The following ERO1B variants were observed in gnomAD, a reference collection of about 807,000 sequenced individuals.
The protein encoded by ERO1B is ERO1-like protein beta.
ERO1B carries 49 observed loss-of-function variants against 75.3 expected under a neutral mutation model. The observed-to-expected ratio is 0.65, with a 90% CI of 0.52 to 0.83. The LOEUF (loss-of-function observed/expected upper bound fraction) is 0.83, where lower values mean the gene tolerates loss of function less well. Among genes scored for constraint, ERO1B ranks in the 40% least tolerant of loss-of-function variants. ERO1B has a pLI of 0.00. For missense variants in ERO1B, 512 were observed against 560.1 expected (o/e 0.91, Z 0.87); for synonymous variants, 191 against 192.9 (o/e 0.99, Z 0.08).
At position 236,241,924 on chromosome 1, in the gene ERO1B, T is replaced by C. The variant is rs1441585264; in HGVS notation, c.505+1498A>G. Among the ~76,000 whole-genome samples, 4 of 151,852 alleles carry C rather than the reference T, an allele frequency of 2.6e-5. No homozygotes were observed. The East Asian group carries it at 5.8e-4, about 22-fold the overall frequency. The stretch of plus-strand genomic sequence containing the variant: ...TCTACTAAATATACAAAAAATTAGC[T>C]GGGCGTGGTGGTGGGCACCTGTAGT... On this transcript the variant is annotated intron_variant, in intron 6 of 15. Transcript: ENST00000354619.
rs538893491 is a variant in ERO1B, at chr1:236,231,742, TGA to T, written c.685+1084_685+1085del. The stretch of plus-strand genomic sequence containing the variant: ...GACGGTGGGGAATTACTTTGCCTCC[TGA>T]GAGTCTTCATACTTTGTACAAAAAT... On this transcript the variant is annotated intron_variant, in intron 9 of 15. Transcript: ENST00000354619. Among the ~76,000 whole-genome samples, 3 of 152,180 alleles carry T rather than the reference TGA, an allele frequency of 2.0e-5. No individual in the cohort carries two copies. In the South Asian group the frequency reaches 6.2e-4, roughly 32 times the overall value.
intron 1 of ERO1B, among the ~76,000 whole-genome samples, chr1:236,275,415 C>A (rs962670244): frequency 6.6e-6 from 1 of 152,204 alleles, no homozygotes; most frequent in Non-Finnish European, 1.5e-5. Flanking sequence ...AAGGATACAA[C>A]TCAGTAATAA....
At chr1:236,266,449 T>C (rs908280741) in intron 2 of ERO1B, among the ~76,000 whole-genome samples, 1 of 151,846 alleles carries the variant, frequency 6.6e-6, no homozygotes, top group Non-Finnish European at 1.5e-5. Context: ...ACTAAAAATA[T>C]AAAAATTAGC....
chr1:236,236,083 C>A (rs1022516426), intron 7 of ERO1B, among the ~76,000 whole-genome samples, 195 bp downstream of exon 7: 1 of 152,152 alleles, frequency 6.6e-6, no homozygotes, highest in Non-Finnish European at 1.5e-5. Context: ...TGCCATCATG[C>A]CCGGCTAATT....
In ERO1B at chr1:236,263,778, C is replaced by CTTTTTTT; in HGVS notation, c.222+6090_222+6096dup. ...TATATTTTTTGTTTTATTTTGTTTG[C>CTTTTTTT]TTTTTTTTTTTTTTTTTTTTTTTTT... On this transcript the variant is annotated intron_variant, in intron 2 of 15. Coordinates refer to ENST00000354619, the MANE Select transcript of ERO1B (RefSeq NM_019891.4). Among the ~76,000 whole-genome samples the CTTTTTTT allele has an allele frequency of 5.4e-4, 43 of 80,292 alleles. 5 individuals carry two copies. The highest frequency in any genetic ancestry group is 7.3e-4 in the Non-Finnish European group (29 of 39,752). 52.7% of individuals were successfully genotyped at this position (80,292 alleles called of 152,430 possible).
intron 1 of ERO1B, among the ~76,000 whole-genome samples, chr1:236,275,541 C>A (rs936912776): frequency 6.6e-6 from 1 of 152,202 alleles, no homozygotes; most frequent in African/African-American, 2.4e-5. Flanking sequence ...AACCCGGAAG[C>A]TCATCAAATC....
chr1:236,279,620 G>A (rs1462439751), intron 1 of ERO1B, among the ~76,000 whole-genome samples: 2 of 151,620 alleles, frequency 1.3e-5, no homozygotes, highest in Admixed American at 1.3e-4. Flanking sequence ...CCTTAGGTCA[G>A]GAGTTCAAGA....
At position 236,281,831 on chromosome 1, in the gene ERO1B, G is replaced by A. The variant is rs1033262752; in HGVS notation, c.-48C>T. 3 of 1,318,170 alleles carry A rather than the reference G, an allele frequency of 2.3e-6. No individual in the cohort carries two copies. The highest frequency in any genetic ancestry group is 3.0e-6 in the Non-Finnish European group (3 of 1,015,456). The allele number at this position is 1,318,170 out of a possible 1,614,324, so 81.7% of individuals were successfully genotyped here. A position where few individuals can be genotyped will look rare whatever the true frequency, so the allele number is the denominator to read the frequency against. ...GCCAGCCGGACCCCTCGGGGCCGGG[G>A]AACGACGGGCGGCCCAGGCGACGAC... is the stretch of plus-strand genomic sequence containing the variant. On this transcript the variant is annotated 5_prime_UTR_variant, in exon 1 of 16. Coordinates refer to ENST00000354619, the MANE Select transcript of ERO1B (RefSeq NM_019891.4).
At chr1:236,225,849 T>G (rs572432304) in intron 12 of ERO1B, among the ~76,000 whole-genome samples, 9 of 152,208 alleles carry the variant, frequency 5.9e-5, no homozygotes, top group African/African-American at 9.6e-5. Flanking sequence ...GCACAAGAAT[T>G]GCTTGAACCT....
chr1:236,243,876 A>G (rs1198199293), intron 5 of ERO1B, among the ~76,000 whole-genome samples: 1 of 152,180 alleles, frequency 6.6e-6, no homozygotes, highest in African/African-American at 2.4e-5. Context: ...ATTTATTTTC[A>G]GAATTCTTTT....
At chr1:236,243,902 T>C (rs2102950608) in intron 5 of ERO1B, among the ~76,000 whole-genome samples, 1 of 152,330 alleles carries the variant, frequency 6.6e-6, no homozygotes, top group African/African-American at 2.4e-5. Context: ...AAATTGTGTC[T>C]ATACTTACAA....
intron 2 of ERO1B, among the ~76,000 whole-genome samples, chr1:236,264,711 G>T (rs904832075): frequency 1.3e-5 from 2 of 152,126 alleles, no homozygotes. Context: ...AGGCATGGTG[G>T]CACACACCTG....
Position 236,216,473 on chromosome 1 carries a change from G to GC in ERO1B, c.*2042dup, listed in dbSNP as rs758637023. ...TTATGATAAAATAAGATGAATTTCA[G>GC]CCTAAGAATACTTCATTTATTTTCT... On this transcript the variant is annotated 3_prime_UTR_variant, in exon 16 of 16. Transcript: ENST00000354619. 3.2e-4 allele frequency: 49 copies of GC among 152,110 alleles called. No homozygotes were observed. The highest frequency in any genetic ancestry group is 1.0e-3 in the African/African-American group (42 of 41,500). 9.4% of individuals were successfully genotyped at this position (152,110 alleles called of 1,614,324 possible).
chr1:236,225,257 G>T lies in ERO1B; in HGVS notation c.1053-118C>A. ...TTTAAAATTCATTATTTACTCCGAT[G>T]TAAGTTTTGGTAATGTAGAAAAGTG... On this transcript the variant is annotated intron_variant, in intron 12 of 15. Transcript: ENST00000354619. 4.4e-6 allele frequency: 4 copies of T among 907,192 alleles called. 1 individual carries two copies. The South Asian group carries it at 6.5e-5, about 15-fold the overall frequency. The allele number at this position is 907,192 out of a possible 1,614,324, so 56.2% of individuals were successfully genotyped here. A position where few individuals can be genotyped will look rare whatever the true frequency, so the allele number is the denominator to read the frequency against.
intron 9 of ERO1B, among the ~76,000 whole-genome samples, chr1:236,231,431 T>C (rs1664404973): frequency 6.6e-6 from 1 of 150,744 alleles, no homozygotes; most frequent in African/African-American, 2.4e-5. Context: ...AAAAAAATGG[T>C]ATGTGAGCTA....
chr1:236,279,151 A>G (rs1665767606), intron 1 of ERO1B, among the ~76,000 whole-genome samples: 2 of 152,344 alleles, frequency 1.3e-5, no homozygotes, highest in South Asian at 2.1e-4. Flanking sequence ...AATTACCTCA[A>G]TGGTCCCACT....
At chr1:236,234,582 C>T (rs1332073808) in intron 8 of ERO1B, among the ~76,000 whole-genome samples, 2 of 152,296 alleles carry the variant, frequency 1.3e-5, no homozygotes, top group African/African-American at 2.4e-5. Flanking sequence ...AAGCCAGGCA[C>T]GTCTTTTTCA....
chr1:236,220,717 A>G, intron 15 of ERO1B, 115 bp downstream of exon 15: 1 of 1,100,174 alleles, frequency 9.1e-7, no homozygotes, highest in African/African-American at 1.9e-5. Context: ...CAGATACAAT[A>G]TAAAATTTTT....
chr1:236,235,577 G>A (rs1314005062), intron 8 of ERO1B, among the ~76,000 whole-genome samples: 1 of 152,138 alleles, frequency 6.6e-6, no homozygotes, highest in African/African-American at 2.4e-5. Flanking sequence ...TTTAGGGTCT[G>A]GCACAGAGCA....
Sources: allele counts gnomAD v4.1 joint callset (sites outside exome capture counted in the v4.1 genomes callset), GRCh38; gene constraint gnomAD v4.1.1; transcripts MANE v1.5; gene names NCBI Gene and HGNC (gene_info 2026-07-23, HGNC 2026-07-21).